The following ASB4 variants were observed in gnomAD, a reference collection of about 807,000 sequenced individuals.
The protein encoded by ASB4 is ankyrin repeat and SOCS box containing 4, also known as ankyrin repeat and SOCS box protein 4.
A neutral mutation model predicts 38.6 loss-of-function variants in ASB4; 35 were observed. The observed-to-expected ratio is 0.91, with a 90% confidence interval of 0.69 to 1.20. The LOEUF is 1.20. ASB4 is among the 50% of genes most tolerant of loss of function. ASB4 has a pLI of 0.00. For missense variants in ASB4, 557 were observed against 527.2 expected, an observed-to-expected ratio of 1.06 and a Z score of -0.55; for synonymous variants, 195 against 201.3, an observed-to-expected ratio of 0.97 and a Z score of 0.26.
exon 1 of ASB4, chr7:95,478,480 G>A (rs554916237): frequency 8.0e-4 from 122 of 152,316 alleles, no homozygotes; most frequent in African/African-American, 2.8e-3. Context: ...AGGTGGGCCA[G>A]TGCTTGGTTA....
upstream of ASB4, among the ~76,000 whole-genome samples, chr7:95,477,492 T>A (rs1452615641): frequency 6.6e-6 from 1 of 152,238 alleles, no homozygotes; most frequent in Non-Finnish European, 1.5e-5. Context: ...TTTGCTTATA[T>A]ACACTAGTGT....
intron 3 of ASB4, among the ~76,000 whole-genome samples, chr7:95,532,961 C>T (rs1015332043): frequency 5.3e-5 from 8 of 152,192 alleles, no homozygotes; most frequent in Non-Finnish European, 2.9e-5. Flanking sequence ...CATCAGTCTG[C>T]TGTCTCATGT....
At chr7:95,530,333 C>T (rs1224340087) in intron 3 of ASB4, among the ~76,000 whole-genome samples, 16 of 151,980 alleles carry the variant, frequency 1.1e-4, no homozygotes, top group African/African-American at 3.4e-4. Flanking sequence ...GGTGTTGTGG[C>T]GTGCGCCTGT....
intron 2 of ASB4, among the ~76,000 whole-genome samples, chr7:95,523,745 C>G (rs1230536945): frequency 6.6e-6 from 1 of 151,920 alleles, no homozygotes; most frequent in Non-Finnish European, 1.5e-5. Flanking sequence ...ATTTTAAGAT[C>G]AAAATTTTGG....
intron 2 of ASB4, among the ~76,000 whole-genome samples, chr7:95,509,908 G>A (rs368641449): frequency 1.1e-4 from 17 of 152,242 alleles, no homozygotes; most frequent in African/African-American, 3.9e-4. Flanking sequence ...GATTCAAGCA[G>A]ATCAAATTTT....
At chr7:95,541,252 C>A (rs563564277), downstream of ASB4, among the ~76,000 whole-genome samples, 20 of 152,244 alleles carry the variant, frequency 1.3e-4, no homozygotes, top group African/African-American at 4.3e-4. Flanking sequence ...ACGGTGCCTA[C>A]TTCATAGGAC....
chr7:95,545,061 C>T (rs182341668), downstream of ASB4, among the ~76,000 whole-genome samples: 514 of 147,236 alleles, frequency 3.5e-3, 2 homozygotes, highest in African/African-American at 0.012. Context: ...CTTTTTATTG[C>T]ATTTTAACTG....
intron 2 of ASB4, among the ~76,000 whole-genome samples, chr7:95,524,790 C>T (rs985363430): frequency 3.9e-5 from 6 of 152,146 alleles, no homozygotes; most frequent in Admixed American, 6.5e-5. Flanking sequence ...ATCGGGTCCC[C>T]AGAGACCCTC....
rs912917906 is a variant in ASB4 at position 95,540,156 on chromosome 7, G to T, written c.*2397G>T. 1 of 152,016 alleles carries T rather than the reference G, an allele frequency of 6.6e-6. No individual in the cohort carries two copies. The highest frequency in any genetic ancestry group is 6.6e-5 in the Admixed American group (1 of 15,262). 9.4% of individuals were successfully genotyped at this position (152,016 alleles called of 1,614,324 possible). On this transcript the variant is annotated 3_prime_UTR_variant, in exon 5 of 5. Transcript: ENST00000325885. ...GCTACTTGTTTGTAATTTTTTTATT[G>T]GTGGAATTAAAGTAATTTTTCCTTA...
intron 2 of ASB4, among the ~76,000 whole-genome samples, chr7:95,503,986 C>A (rs1790374706): frequency 6.6e-6 from 1 of 152,226 alleles, no homozygotes; most frequent in East Asian, 1.9e-4. Context: ...CATCTCCTGG[C>A]CTTTGTTGCC....
rs759891800 is a variant in ASB4 at position 95,528,268 on chromosome 7, G to A, written c.943G>A (p.Gly315Arg). The A allele has an allele frequency of 1.2e-6, 2 of 1,614,132 alleles. No individual in the cohort carries two copies. The highest frequency in any genetic ancestry group is 1.7e-6 in the Non-Finnish European group (2 of 1,180,024). ...EICYQLLLNH[G>R]AARIYPPQFH... ...CTGCTACCAGCTCCTGTTGAACCAT[G>A]GGGCTGCCCGAATATACCCTCCACA... The change falls in exon 3 of 5, where the codon GGG becomes AGG. Residue 315 changes from glycine (G) to arginine (R), a missense_variant. Gly to Arg is a moderately radical substitution (Grantham distance 125). Coordinates refer to ENST00000325885, the MANE Select transcript of ASB4 (RefSeq NM_016116.3).
chr7:95,534,839 G>A (rs1790866428), intron 3 of ASB4, among the ~76,000 whole-genome samples: 1 of 152,164 alleles, frequency 6.6e-6, no homozygotes, highest in Admixed American at 6.5e-5. Context: ...GCTCAATAAA[G>A]GCTTCTTAAT....
chr7:95,481,515 A>G (rs1312839641), upstream of ASB4, among the ~76,000 whole-genome samples: 3 of 152,210 alleles, frequency 2.0e-5, no homozygotes, highest in Admixed American at 6.6e-5. Context: ...AGGAGGCCCA[A>G]GGGGTTCTGT....
At chr7:95,491,833 G>A (rs1790175338) in intron 1 of ASB4, among the ~76,000 whole-genome samples, 1 of 152,170 alleles carries the variant, frequency 6.6e-6, no homozygotes, top group Non-Finnish European at 1.5e-5. Context: ...ATTTTAAAGT[G>A]ATGATTGTAC....
intron 2 of ASB4, among the ~76,000 whole-genome samples, chr7:95,506,964 T>C (rs1790418721): frequency 6.6e-6 from 1 of 152,122 alleles, no homozygotes; most frequent in South Asian, 2.1e-4. Flanking sequence ...TGTTTTTTAT[T>C]CTCTACTTGC....
At chr7:95,501,459 C>T (rs180941656) in intron 2 of ASB4, among the ~76,000 whole-genome samples, 13 of 152,294 alleles carry the variant, frequency 8.5e-5, no homozygotes, top group East Asian at 3.9e-4. Flanking sequence ...GCTGGACAGA[C>T]GCTGCTCTTA....
upstream of ASB4, among the ~76,000 whole-genome samples, chr7:95,481,731 G>A (rs1311348233): frequency 6.6e-6 from 1 of 152,182 alleles, no homozygotes; most frequent in Admixed American, 6.5e-5. Context: ...TGTGCCTGCT[G>A]TCTCAGCCAT....
At position 95,495,738 on chromosome 7, in the gene ASB4, CTTTTTT is replaced by C; in HGVS notation, c.188-9_188-4del. 1 of 1,441,762 alleles carries C rather than the reference CTTTTTT, an allele frequency of 6.9e-7. No individual in the cohort carries two copies. 89.3% of individuals were successfully genotyped at this position (1,441,762 alleles called of 1,614,324 possible). A position where few individuals can be genotyped will look rare whatever the true frequency, so the allele number is the denominator to read the frequency against. On this transcript the variant is annotated splice_polypyrimidine_tract_variant and intron_variant, in intron 1 of 4. Coordinates refer to ENST00000325885, the MANE Select transcript of ASB4 (RefSeq NM_016116.3). Reference sequence around the variant, plus strand: ...GTCAAGAAGTTAAACTTTCCTTTTCCTTTTTTTTTTTTTTTTCAGGTTACTGGTTGC... The same window carrying C: ...GTCAAGAAGTTAAACTTTCCTTTTCCTTTTTTTTTTCAGGTTACTGGTTGC...
intron 2 of ASB4, among the ~76,000 whole-genome samples, chr7:95,503,223 G>A (rs1259856245): frequency 1.3e-5 from 2 of 152,142 alleles, no homozygotes; most frequent in Admixed American, 1.3e-4. Context: ...GCAGCTGGCA[G>A]ATATATAAAT....
Sources: allele counts gnomAD v4.1 joint callset (sites outside exome capture counted in the v4.1 genomes callset), GRCh38; gene constraint gnomAD v4.1.1; transcripts MANE v1.5; gene names NCBI Gene and HGNC (gene_info 2026-07-23, HGNC 2026-07-21).